TBXAS1: variants seen among roughly 807,000 people sequenced by gnomAD.
TBXAS1 encodes the protein thromboxane-A synthase.
In TBXAS1, 48 loss-of-function variants were observed where a neutral mutation model predicts 60.7. That is an observed-to-expected ratio of 0.79 (90% CI 0.63 to 1.01). The LOEUF is 1.01. Ranked by LOEUF, TBXAS1 falls within the 50% of genes least tolerant of loss-of-function variation. TBXAS1 has a pLI of 0.00. For synonymous variants in TBXAS1, 287 were observed against 269.7 expected (o/e 1.06, Z -0.63); for missense variants, 685 against 686.3 (o/e 1.00, Z 0.02).
chr7:139,824,894 A>G (rs1327421040), upstream of TBXAS1, among the ~76,000 whole-genome samples: 2 of 133,480 alleles, frequency 1.5e-5, no homozygotes, highest in Non-Finnish European at 3.0e-5. Flanking sequence ...CAATGGCGTG[A>G]TCTTGGCTCA....
chr7:139,787,031 A>T (rs2117235807), intron 3 of TBXAS1, among the ~76,000 whole-genome samples: 1 of 152,362 alleles, frequency 6.6e-6, no homozygotes, highest in Admixed American at 6.5e-5. Context: ...ACCTACAGCT[A>T]ACAGCATCTT....
intron 2 of TBXAS1, among the ~76,000 whole-genome samples, chr7:139,875,177 G>A (rs1252036337): frequency 6.6e-6 from 1 of 152,148 alleles, no homozygotes; most frequent in Non-Finnish European, 1.5e-5. Flanking sequence ...TTTAATTAAA[G>A]TTTAACTCGA....
chr7:139,900,236 G>C (rs890179748), intron 3 of TBXAS1, among the ~76,000 whole-genome samples: 1 of 152,088 alleles, frequency 6.6e-6, no homozygotes, highest in Non-Finnish European at 1.5e-5. Context: ...GGAATTATAG[G>C]ATTTACAGTT....
chr7:139,897,981 T>C (rs565397810), intron 3 of TBXAS1, among the ~76,000 whole-genome samples: 15 of 152,168 alleles, frequency 9.9e-5, no homozygotes, highest in Non-Finnish European at 1.9e-4. Flanking sequence ...GGAAAGACAC[T>C]CCATGAGCCA....
Position 140,015,796 on chromosome 7 carries a change from G to T in TBXAS1, c.1300G>T (p.Ala434Ser). 6.2e-7 allele frequency: 1 copy of T among 1,613,732 alleles called. No homozygotes were observed. ...RIPAGAVLEM[A>S]VGALHHDPEH... ...CCCCGCAGGCGCTGTGCTAGAGATG[G>T]CCGTGGGTGCCCTGCACCATGACCC... The change falls in exon 11 of 13, where the codon GCC (alanine) becomes TCC (serine). Residue 434 changes from alanine (A) to serine (S), a missense_variant. Ala to Ser is a moderately conservative substitution (Grantham distance 99). Transcript: ENST00000448866.
chr7:139,791,808 G>GTTTTTTTTT (rs10617891), intron 4 of TBXAS1, among the ~76,000 whole-genome samples: 7 of 70,352 alleles, frequency 9.9e-5, no homozygotes, highest in Non-Finnish European at 1.9e-4. Flanking sequence ...GGAATGTTTT[G>GTTTTTTTTT]TTTTTTTTTT....
At chr7:139,953,502 T>C (rs1809581671) in intron 6 of TBXAS1, 46 bp downstream of exon 6, 3 of 1,559,300 alleles carry the variant, frequency 1.9e-6, no homozygotes, top group Non-Finnish European at 2.7e-6. Context: ...TTTGAATCAC[T>C]GCTTCTTGTA....
intron 6 of TBXAS1, among the ~76,000 whole-genome samples, chr7:139,954,339 G>T (rs2117325517): frequency 6.6e-6 from 1 of 152,264 alleles, no homozygotes; most frequent in East Asian, 1.9e-4. Context: ...AGATAAGGTG[G>T]CCTCATCAGC....
intron 1 of TBXAS1, among the ~76,000 whole-genome samples, chr7:139,867,920 G>C (rs1039416694): frequency 6.6e-6 from 1 of 152,140 alleles, no homozygotes. Flanking sequence ...AATTGAACCT[G>C]ATTTTGAGAA....
At chr7:139,790,326 T>A (rs1283514802) in intron 4 of TBXAS1, among the ~76,000 whole-genome samples, 1 of 152,256 alleles carries the variant, frequency 6.6e-6, no homozygotes, top group African/African-American at 2.4e-5. Flanking sequence ...CTATTACTAC[T>A]AAATGCATTA....
chr7:139,986,726 TATATATATATATACATAC>T (rs780092344), intron 9 of TBXAS1, among the ~76,000 whole-genome samples: 4,995 of 59,094 alleles, frequency 0.085, 265 homozygotes, highest in Middle Eastern at 0.14. Context: ...TTCCATCATA[TATATATATATATACATAC>T]ATATATATAT....
At chr7:139,931,840 C>T (rs894642414) in intron 4 of TBXAS1, among the ~76,000 whole-genome samples, 7 of 151,428 alleles carry the variant, frequency 4.6e-5, no homozygotes, top group South Asian at 2.1e-4. Flanking sequence ...CAAGGCATCT[C>T]TCAGTAAGTC....
chr7:139,925,838 T>C (rs1806837027), intron 4 of TBXAS1, among the ~76,000 whole-genome samples: 2 of 152,194 alleles, frequency 1.3e-5, no homozygotes, highest in Admixed American at 6.5e-5. Flanking sequence ...AGGATTTTTA[T>C]TATGAAGGGA....
chr7:139,793,840 A>G (rs1293286930), intron 4 of TBXAS1, among the ~76,000 whole-genome samples: 2 of 152,212 alleles, frequency 1.3e-5, no homozygotes, highest in Non-Finnish European at 2.9e-5. Context: ...TGTTGAGACC[A>G]ATCTGACTTA....
intron 2 of TBXAS1, among the ~76,000 whole-genome samples, chr7:139,874,928 T>A (rs1802110278): frequency 1.3e-5 from 2 of 152,128 alleles, no homozygotes; most frequent in South Asian, 4.1e-4. Context: ...AATCCTGTCT[T>A]TATTAAAAAT....
At chr7:140,015,884 G>A in intron 11 of TBXAS1, 24 bp downstream of exon 11, 1 of 1,613,222 alleles carries the variant, frequency 6.2e-7, no homozygotes. Flanking sequence ...CTTTTAAAAA[G>A]CTCTGAAGGG....
chr7:139,843,769 A>G (rs898711623), intron 1 of TBXAS1, among the ~76,000 whole-genome samples: 6 of 152,228 alleles, frequency 3.9e-5, no homozygotes, highest in African/African-American at 1.4e-4. Context: ...AATGCTAATG[A>G]TCATGATTAT....
At chr7:139,878,241 A>AGAGAGAGAGAG (rs1310830878) in intron 3 of TBXAS1, among the ~76,000 whole-genome samples, 4 of 151,918 alleles carry the variant, frequency 2.6e-5, no homozygotes, top group Non-Finnish European at 5.9e-5. Flanking sequence ...AGGGGGAGAG[A>AGAGAGAGAGAG]GAGAGAGAGA....
At chr7:139,833,108 A>G (rs1282107720) in intron 1 of TBXAS1, among the ~76,000 whole-genome samples, 2 of 152,224 alleles carry the variant, frequency 1.3e-5, no homozygotes, top group African/African-American at 4.8e-5. Context: ...CAGAGGCAAC[A>G]AAGAGCCCAA....
Sources: gnomAD v4.1 joint callset for allele counts (sites outside exome capture counted in the v4.1 genomes callset) on GRCh38, gnomAD v4.1.1 for gene constraint, MANE v1.5 for transcripts, NCBI Gene and HGNC (gene_info 2026-07-23, HGNC 2026-07-21) for gene names.